The following ZNF641 variants were observed in gnomAD, a reference collection of about 807,000 sequenced individuals.
The protein encoded by ZNF641 is zinc finger protein 641.
A neutral mutation model predicts 46.2 loss-of-function variants in ZNF641; 26 were observed. That is an observed-to-expected ratio of 0.56 (90% CI 0.41 to 0.78). The LOEUF is 0.78. ZNF641 is among the 30% of genes least tolerant of loss of function. The pLI, the probability that ZNF641 is intolerant of heterozygous loss-of-function variation, is 0.00. For synonymous variants in ZNF641, 163 were observed against 187.9 expected (o/e 0.87, Z 1.09); for missense variants, 469 against 517.8 (o/e 0.91, Z 0.91).
In ZNF641 at chr12:48,348,002, C is replaced by T. The variant is rs532940455; in HGVS notation, c.89G>A (p.Gly30Glu). The T allele has an allele frequency of 1.4e-5, 22 of 1,614,216 alleles. No homozygotes were observed. The African/African-American group carries it at 2.8e-4, about 21-fold the overall frequency. The change falls in exon 2 of 6, where the codon GGA (glycine) becomes GAA (glutamate). Residue 30 changes from glycine (G) to glutamate (E), a missense_variant. Around this residue, in one of 3 missense-constraint regions of ZNF641, gnomAD observed 98 missense variants for 105.7 expected, o/e 0.93. Transcript: ENST00000547026. ...LDGAEPQVERGSQEERPWRTV... is the reference protein window; with the variant it reads ...LDGAEPQVERESQEERPWRTV... ...TCTCCATGGCCGCTCTTCCTGGCTT[C>T]CCCTTTCCACCTGGGGCTCTGCTCC...
Position 48,341,027 on chromosome 12 carries a change from C to T in ZNF641, c.*1946G>A, listed in dbSNP as rs1952704781. 1 of 985,374 alleles carries T rather than the reference C, an allele frequency of 1.0e-6. No homozygotes were observed. Among genetic ancestry groups the T allele is most frequent in the Non-Finnish European group, 1.2e-6 (1 of 829,960 alleles). 61.0% of individuals were successfully genotyped at this position (985,374 alleles called of 1,614,324 possible). A position where few individuals can be genotyped will look rare whatever the true frequency, so the allele number is the denominator to read the frequency against. ...GAATGAAGGAAGAAGGAAGGCTGCTCACAGTAGCAGAAGGGAGGCAGGGGC... is the reference window on the plus strand; with the variant it reads ...GAATGAAGGAAGAAGGAAGGCTGCTTACAGTAGCAGAAGGGAGGCAGGGGC... On this transcript the variant is annotated 3_prime_UTR_variant, in exon 6 of 6. Transcript: ENST00000547026.
chr12:48,348,278 T>A (rs1164444493), intron 1 of ZNF641, among the ~76,000 whole-genome samples, 163 bp from the exon 2 acceptor site: 1 of 152,230 alleles, frequency 6.6e-6, no homozygotes, highest in Non-Finnish European at 1.5e-5. Context: ...CAACGGAGCC[T>A]GCACCAAGCT....
rs1952668843 is a variant in ZNF641 at position 48,339,337 on chromosome 12, T to A, written c.*3636A>T. The A allele has an allele frequency of 6.6e-6, 1 of 152,176 alleles. No homozygotes were observed. Among genetic ancestry groups the A allele is most frequent in the African/African-American group, 2.4e-5 (1 of 41,432 alleles). 9.4% of individuals were successfully genotyped at this position (152,176 alleles called of 1,614,324 possible). A position where few individuals can be genotyped will look rare whatever the true frequency, so the allele number is the denominator to read the frequency against. Reference sequence around the variant, plus strand: ...AGCCAGTGGTTCTCAAACTTTAGCTTGTATCACACATCCAGGAGGGCATTT... The same window carrying A: ...AGCCAGTGGTTCTCAAACTTTAGCTAGTATCACACATCCAGGAGGGCATTT... On this transcript the variant is annotated 3_prime_UTR_variant, in exon 6 of 6. Transcript: ENST00000547026.
intron 1 of ZNF641, among the ~76,000 whole-genome samples, chr12:48,349,471 C>T (rs2136190393): frequency 1.3e-5 from 2 of 152,348 alleles, no homozygotes; most frequent in Admixed American, 1.3e-4. Flanking sequence ...TTCAATAACA[C>T]TTGCAAGAAC....
chr12:48,336,414 A>G (rs111486634), downstream of ZNF641, among the ~76,000 whole-genome samples: 263 of 152,350 alleles, frequency 1.7e-3, 2 homozygotes, highest in African/African-American at 5.1e-3. Flanking sequence ...ATGAGGCCCA[A>G]GGGCAACAAA....
chr12:48,350,419 T>C (rs1361623251), intron 1 of ZNF641: 2 of 294,662 alleles, frequency 6.8e-6, no homozygotes, highest in Non-Finnish European at 1.3e-5. Flanking sequence ...ACAGTGCCCC[T>C]GGAAAGGGTC....
At chr12:48,346,301 C>T (rs539492530) in intron 3 of ZNF641, among the ~76,000 whole-genome samples, 5 of 152,268 alleles carry the variant, frequency 3.3e-5, no homozygotes, top group African/African-American at 1.2e-4. Flanking sequence ...GCATGACCTA[C>T]ACAAGTGCCT....
intron 4 of ZNF641, 50 bp downstream of exon 4, chr12:48,345,295 C>T (rs754763538): frequency 1.2e-6 from 2 of 1,604,080 alleles, no homozygotes; most frequent in Non-Finnish European, 1.7e-6. Flanking sequence ...GCAGATGGCT[C>T]CGTCCTCCCA....
intron 3 of ZNF641, among the ~76,000 whole-genome samples, chr12:48,345,928 C>T (rs1396865480): frequency 1.4e-5 from 2 of 144,160 alleles, no homozygotes; most frequent in South Asian, 2.2e-4. Flanking sequence ...TTTTTTGAGA[C>T]GGAGTCTCAC....
Position 48,348,086 on chromosome 12 carries a change from A to T in ZNF641, c.5T>A (p.Leu2His). ...CCCCAGCGCTGCTGTCTGTTCTGAA[A>T]GCATTTCTGCTGCAGACCCAAATTG... MLSEQTAALGTG... is the reference protein window; with the variant it reads MHSEQTAALGTG... Residue 2 changes from leucine (L) to histidine (H), a missense_variant, in exon 2 of 6, where the codon CTT becomes CAT. This residue lies in a region of ZNF641 where 98 missense variants were observed against 105.7 expected (regional missense o/e 0.93). Transcript: ENST00000547026. 1 of 1,614,236 alleles carries T rather than the reference A, an allele frequency of 6.2e-7. No individual in the cohort carries two copies. The highest frequency in any genetic ancestry group is 8.5e-7 in the Non-Finnish European group (1 of 1,180,052).
chr12:48,336,761 A>C (rs1952608948), downstream of ZNF641, among the ~76,000 whole-genome samples: 1 of 152,188 alleles, frequency 6.6e-6, no homozygotes, highest in Non-Finnish European at 1.5e-5. Flanking sequence ...CACTCAACAG[A>C]TCTTCACTCA....
rs150055895 is a variant in ZNF641 at position 48,347,317 on chromosome 12, T to A, written c.211A>T (p.Ile71Phe). ...KAQSAPWVPA[I>F]PQEGNTGDWE... is the part of the protein sequence containing the mutation. ...TCTCCAGTGTTCCCCTCCTGGGGAA[T>A]TGCAGGAACCCAGGGAGCAGACTGA... Residue 71 changes from isoleucine (I) to phenylalanine (F), a missense_variant, in exon 3 of 6, where the codon ATT becomes TTT. Ile to Phe is a conservative substitution (Grantham distance 21). Transcript: ENST00000547026. 1.2e-6 allele frequency: 2 copies of A among 1,613,164 alleles called. No individual in the cohort carries two copies. Among genetic ancestry groups the A allele is most frequent in the Admixed American group, 3.3e-5 (2 of 59,936 alleles).
At chr12:48,335,233 C>G (rs1952596184), downstream of ZNF641, among the ~76,000 whole-genome samples, 1 of 152,202 alleles carries the variant, frequency 6.6e-6, no homozygotes, top group Non-Finnish European at 1.5e-5. Flanking sequence ...AAGAGCTTTT[C>G]TGTTGCTTAG....
Position 48,342,883 on chromosome 12 carries a change from C to T in ZNF641, c.*90G>A. The T allele has an allele frequency of 6.6e-7, 1 of 1,510,012 alleles. No homozygotes were observed. Among genetic ancestry groups the T allele is most frequent in the South Asian group, 1.3e-5 (1 of 75,240 alleles). 93.5% of individuals were successfully genotyped at this position (1,510,012 alleles called of 1,614,324 possible). A position where few individuals can be genotyped will look rare whatever the true frequency, so the allele number is the denominator to read the frequency against. On this transcript the variant is annotated 3_prime_UTR_variant, in exon 6 of 6. Coordinates refer to ENST00000547026, the MANE Select transcript of ZNF641 (RefSeq NM_001172681.2). ...ATGGGGTCAGGGCTTATGATTCTGG[C>T]CACTGGGGTTCAGGAGAACGGCAGC...
At position 48,344,838 on chromosome 12, in the gene ZNF641, A is replaced by C. The variant is rs554501206; in HGVS notation, c.407-126T>G. 131 of 613,902 alleles carry C rather than the reference A, an allele frequency of 2.1e-4. No homozygotes were observed. The African/African-American group carries it at 2.3e-3, about 11-fold the overall frequency. The allele number at this position is 613,902 out of a possible 1,614,324, so 38.0% of individuals were successfully genotyped here. A position where few individuals can be genotyped will look rare whatever the true frequency, so the allele number is the denominator to read the frequency against. The stretch of plus-strand genomic sequence containing the variant: ...CTAGACAAAAGAAGGTCAAGAAAGA[A>C]ACATATCCCCACCCCAACCTCTTCC... On this transcript the variant is annotated intron_variant, in intron 4 of 5. Transcript: ENST00000547026.
In ZNF641 at chr12:48,343,355, T is replaced by G; in HGVS notation, c.893A>C (p.Lys298Thr). 6.2e-7 allele frequency: 1 copy of G among 1,614,120 alleles called. No homozygotes were observed. Among genetic ancestry groups the G allele is most frequent in the Non-Finnish European group, 8.5e-7 (1 of 1,180,014 alleles). ...GRRHHLIRHQ[K>T]THLHDKTSRC... Reference sequence around the variant, plus strand: ...GCTGGTCTTGTCATGTAGGTGGGTTTTCTGGTGCCTGATGAGGTGATGTCT... The same window carrying G: ...GCTGGTCTTGTCATGTAGGTGGGTTGTCTGGTGCCTGATGAGGTGATGTCT... The change falls in exon 6 of 6, where the codon AAA (lysine) becomes ACA (threonine). Residue 298 changes from lysine to threonine, a missense_variant. Transcript: ENST00000547026.
intron 4 of ZNF641, 39 bp from the exon 5 acceptor site, chr12:48,344,751 C>T: frequency 8.4e-7 from 1 of 1,188,324 alleles, no homozygotes. Context: ...TCAATTAGTT[C>T]AACAGCAATT....
At position 48,344,764 on chromosome 12, in the gene ZNF641, A is replaced by G. The variant is rs753584990; in HGVS notation, c.407-52T>C. 1.7e-5 allele frequency: 18 copies of G among 1,033,060 alleles called. No homozygotes were observed. In the South Asian group the frequency reaches 2.0e-4, roughly 12 times the overall value. The allele number at this position is 1,033,060 out of a possible 1,614,324, so 64.0% of individuals were successfully genotyped here. ...TGTCAATTAGTTCAACAGCAATTCT[A>G]TATTTCTGAAAAAAAAATACAAAAA... On this transcript the variant is annotated intron_variant, in intron 4 of 5. Coordinates refer to ENST00000547026, the MANE Select transcript of ZNF641 (RefSeq NM_001172681.2).
At chr12:48,336,895 G>A (rs1421785859), downstream of ZNF641, among the ~76,000 whole-genome samples, 13 of 152,174 alleles carry the variant, frequency 8.5e-5, no homozygotes, top group Admixed American at 8.5e-4. Flanking sequence ...GCAGTCTGCC[G>A]CTGAAGTGCT....
Sources: allele counts gnomAD v4.1 joint callset (sites outside exome capture counted in the v4.1 genomes callset), GRCh38; gene constraint gnomAD v4.1.1; regional missense constraint gnomAD v4.1.1; transcripts MANE v1.5; gene names NCBI Gene and HGNC (gene_info 2026-07-23, HGNC 2026-07-21).